Variants in HCRTR2 observed in about 807,000 individuals in gnomAD.
The protein encoded by HCRTR2 is orexin receptor type 2.
In HCRTR2, 22 loss-of-function variants were observed where a neutral mutation model predicts 49.0. The ratio of observed to expected loss-of-function variants is 0.45; its 90% confidence interval spans 0.32 to 0.64. The LOEUF is 0.64. Ranked by LOEUF, HCRTR2 falls within the 30% of genes least tolerant of loss-of-function variation. HCRTR2 has a pLI of 0.04. For synonymous variants in HCRTR2, 236 were observed against 205.3 expected (o/e 1.15, Z -1.28); for missense variants, 491 against 559.4 (o/e 0.88, Z 1.23).
intron 1 of HCRTR2, among the ~76,000 whole-genome samples, chr6:55,245,503 A>ATATATATATCTATC (rs1402605395): frequency 8.0e-6 from 1 of 124,530 alleles, no homozygotes; most frequent in Non-Finnish European, 1.7e-5. Flanking sequence ...ATATATATAT[A>ATATATATATCTATC]TATCTTCCCC....
chr6:55,131,404 T>C (rs1764353328), intron 1 of HCRTR2, among the ~76,000 whole-genome samples: 1 of 151,790 alleles, frequency 6.6e-6, no homozygotes, highest in Non-Finnish European at 1.5e-5. Context: ...CCAAAGATGA[T>C]TTAATTTGTT....
At chr6:55,211,700 T>C (rs2127292255) in intron 1 of HCRTR2, among the ~76,000 whole-genome samples, 2 of 152,310 alleles carry the variant, frequency 1.3e-5, no homozygotes, top group South Asian at 4.1e-4. Flanking sequence ...CACAGCATGC[T>C]TCACTGACCT....
At chr6:55,159,287 A>G (rs1044065722) in intron 1 of HCRTR2, among the ~76,000 whole-genome samples, 6 of 151,974 alleles carry the variant, frequency 3.9e-5, no homozygotes, top group Non-Finnish European at 7.4e-5. Flanking sequence ...AACAAAAACA[A>G]AAACAAAAAC....
At chr6:55,252,813 C>G (rs1157391685) in intron 2 of HCRTR2, among the ~76,000 whole-genome samples, 1 of 151,796 alleles carries the variant, frequency 6.6e-6, no homozygotes, top group Admixed American at 6.6e-5. Flanking sequence ...GCAATCTGTT[C>G]CAATTAAAAT....
chr6:55,213,655 A>T (rs899433162), intron 1 of HCRTR2, among the ~76,000 whole-genome samples: 1 of 152,156 alleles, frequency 6.6e-6, no homozygotes, highest in Non-Finnish European at 1.5e-5. Flanking sequence ...TCTAGAAGAA[A>T]TTCTTGGCTC....
chr6:55,177,788 C>T (rs994355168), intron 1 of HCRTR2, among the ~76,000 whole-genome samples: 2 of 152,122 alleles, frequency 1.3e-5, no homozygotes, highest in African/African-American at 4.8e-5. Context: ...CCCTCTTTAT[C>T]ACTATGCCAC....
intron 1 of HCRTR2, among the ~76,000 whole-genome samples, chr6:55,178,629 C>G (rs1765080556): frequency 6.6e-6 from 1 of 152,150 alleles, no homozygotes; most frequent in Non-Finnish European, 1.5e-5. Flanking sequence ...ATGGGCCAGT[C>G]TGTATCTCTG....
chr6:55,277,542 G>T lies in HCRTR2; in HGVS notation c.925G>T (p.Val309Leu). The change falls in exon 5 of 7, where the codon GTG becomes TTG. Residue 309 changes from valine to leucine, a missense_variant. Physicochemically the swap from Val to Leu is conservative, Grantham distance 32 (BLOSUM62 1). Coordinates refer to ENST00000370862, the MANE Select transcript of HCRTR2 (RefSeq NM_001384272.1). Reference protein sequence around the residue: ...RRKTARMLMIVLLVFAICYLP... With the variant: ...RRKTARMLMILLLVFAICYLP... Reference sequence around the variant, plus strand: ...GAAAACAGCCCGGATGTTGATGATTGTGCTTTTGGTATTTGCAATTTGCTA... The same window carrying T: ...GAAAACAGCCCGGATGTTGATGATTTTGCTTTTGGTATTTGCAATTTGCTA... 6.2e-7 allele frequency: 1 copy of T among 1,614,036 alleles called. No homozygotes were observed. Among genetic ancestry groups the T allele is most frequent in the Non-Finnish European group, 8.5e-7 (1 of 1,179,974 alleles).
intron 1 of HCRTR2, among the ~76,000 whole-genome samples, chr6:55,224,290 T>C (rs1327184052): frequency 2.0e-5 from 3 of 152,156 alleles, no homozygotes; most frequent in Middle Eastern, 3.2e-3. Context: ...AGCCAAGATA[T>C]AGAATCAATC....
intron 1 of HCRTR2, among the ~76,000 whole-genome samples, chr6:55,140,642 TA>T: frequency 6.6e-6 from 1 of 152,292 alleles, no homozygotes; most frequent in African/African-American, 2.4e-5. Context: ...TATTATCTGT[TA>T]AAAAATACTC....
intron 1 of HCRTR2, among the ~76,000 whole-genome samples, chr6:55,218,625 C>T (rs1765833795): frequency 6.6e-6 from 1 of 151,862 alleles, no homozygotes; most frequent in African/African-American, 2.4e-5. Flanking sequence ...TTATATCGGA[C>T]AAATAAATTG....
intron 1 of HCRTR2, among the ~76,000 whole-genome samples, chr6:55,207,665 T>C (rs569983230): frequency 7.9e-5 from 12 of 152,304 alleles, no homozygotes; most frequent in Middle Eastern, 6.8e-3. Context: ...AAGAATGATA[T>C]AACCTCCTAA....
At position 55,115,878 on chromosome 6, in the gene HCRTR2, T is replaced by C. The variant is rs185309793; in HGVS notation, c.-378+9333T>C. ...ATATATATTTGTATTTTTCAATTAC[T>C]ACATCTCTTTTGTTTGAGGTTGATA... is the stretch of plus-strand genomic sequence containing the variant. On this transcript the variant is annotated intron_variant, in intron 1 of 7. Transcript: ENST00000615358. Among the ~76,000 whole-genome samples, 58 of 151,682 alleles carry C rather than the reference T, an allele frequency of 3.8e-4. No individual in the cohort carries two copies. In the East Asian group the frequency reaches 9.5e-3, roughly 25 times the overall value.
At chr6:55,185,453 A>C (rs1048510675) in intron 1 of HCRTR2, among the ~76,000 whole-genome samples, 2 of 152,218 alleles carry the variant, frequency 1.3e-5, no homozygotes, top group African/African-American at 2.4e-5. Context: ...AAGCCAAATC[A>C]TCTTAGAGAA....
intron 1 of HCRTR2, among the ~76,000 whole-genome samples, chr6:55,166,035 G>C (rs1482662049): frequency 6.6e-6 from 1 of 151,918 alleles, no homozygotes; most frequent in African/African-American, 2.4e-5. Context: ...TTATCATGAA[G>C]AGATGTTGCA....
At chr6:55,128,693 T>C (rs1764314263) in intron 1 of HCRTR2, among the ~76,000 whole-genome samples, 1 of 152,166 alleles carries the variant, frequency 6.6e-6, no homozygotes, top group African/African-American at 2.4e-5. Context: ...GCCTGTTTTT[T>C]ATTTACTTTT....
intron 1 of HCRTR2, among the ~76,000 whole-genome samples, chr6:55,151,932 A>G (rs1245028295): frequency 6.6e-6 from 1 of 151,962 alleles, no homozygotes; most frequent in Non-Finnish European, 1.5e-5. Flanking sequence ...TGCATTTTCA[A>G]TGAGCAGTAC....
intron 1 of HCRTR2, among the ~76,000 whole-genome samples, chr6:55,210,861 A>C (rs2127291705): frequency 6.6e-6 from 1 of 152,270 alleles, no homozygotes; most frequent in East Asian, 1.9e-4. Context: ...AGCCCTTCTA[A>C]ATGTTGATTG....
upstream of HCRTR2, among the ~76,000 whole-genome samples, chr6:55,172,963 A>C (rs1364278059): frequency 1.3e-5 from 2 of 152,206 alleles, no homozygotes; most frequent in African/African-American, 2.4e-5. Context: ...AAACCATATT[A>C]TTGTTACTTC....
Sources: allele counts gnomAD v4.1 joint callset (sites outside exome capture counted in the v4.1 genomes callset), GRCh38; gene constraint gnomAD v4.1.1; transcripts MANE v1.5; gene names NCBI Gene and HGNC (gene_info 2026-07-23, HGNC 2026-07-21).